Variants in TSPEAR observed in about 807,000 individuals in gnomAD.
TSPEAR encodes the protein thrombospondin-type laminin G domain and EAR repeat-containing protein.
In TSPEAR, 69 loss-of-function variants were observed where a neutral mutation model predicts 71.6. That is an observed-to-expected ratio of 0.96 (90% confidence interval 0.79 to 1.18). The LOEUF (loss-of-function observed/expected upper bound fraction) is 1.18. Among genes scored for constraint, TSPEAR ranks in the 50% most tolerant of loss-of-function variants. TSPEAR has a pLI of 0.00. For synonymous variants in TSPEAR, 402 were observed against 387.2 expected (o/e 1.04, Z -0.45); for missense variants, 971 against 894.9 (o/e 1.09, Z -1.09).
rs78814839 is a variant in TSPEAR at position 44,558,089 on chromosome 21, C to T, written c.303+9696G>A. On this transcript the variant is annotated intron_variant, in intron 2 of 11. Coordinates refer to ENST00000323084, the MANE Select transcript of TSPEAR (RefSeq NM_144991.3). ...TCTGGCCTGAGGAGAGGCCGCAGCA[C>T]GCGGAAGAGAGGCGGGAGCACGTGG... 1,373 of 1,612,504 alleles carry T rather than the reference C, an allele frequency of 8.5e-4. 8 individuals carry two copies. The African/African-American group carries it at 0.016, about 18-fold the overall frequency.
At chr21:44,679,925 A>G (rs1555947654) in intron 1 of TSPEAR, among the ~76,000 whole-genome samples, 1 of 152,228 alleles carries the variant, frequency 6.6e-6, no homozygotes, top group African/African-American at 2.4e-5. Context: ...ACCGAAAACC[A>G]TAAAGCTACT....
chr21:44,600,917 G>T, intron 1 of TSPEAR: 3 of 1,611,960 alleles, frequency 1.9e-6, no homozygotes, highest in Non-Finnish European at 2.5e-6. Context: ...CAGCTGGCTT[G>T]CTGTGCCTCC....
In TSPEAR at chr21:44,687,464, T is replaced by C. The variant is rs1483661257; in HGVS notation, c.82+23969A>G. ...ATCCACACCAGCACTGAGGGCGGCATTGCTTACGCACACGGCAACAGGAAC... is the reference window on the plus strand; with the variant it reads ...ATCCACACCAGCACTGAGGGCGGCACTGCTTACGCACACGGCAACAGGAAC... On this transcript the variant is annotated intron_variant, in intron 1 of 11. Coordinates refer to ENST00000323084, the MANE Select transcript of TSPEAR (RefSeq NM_144991.3). This position sits in a 1 kb window ranked among gnomAD's most constrained non-coding sequence, Gnocchi z 4.4. 6.6e-6 allele frequency among the ~76,000 whole-genome samples: 1 copy of C among 152,166 alleles called. No individual in the cohort carries two copies. Among genetic ancestry groups the C allele is most frequent in the Admixed American group, 6.5e-5 (1 of 15,288 alleles).
At chr21:44,657,645 C>T (rs920228734) in intron 1 of TSPEAR, among the ~76,000 whole-genome samples, 4 of 152,136 alleles carry the variant, frequency 2.6e-5, no homozygotes, top group African/African-American at 9.7e-5. Flanking sequence ...AGTGAAACAA[C>T]GGGATTCGGT....
chr21:44,512,806 G>A (rs1555912901), intron 9 of TSPEAR, among the ~76,000 whole-genome samples: 1 of 152,184 alleles, frequency 6.6e-6, no homozygotes, highest in Non-Finnish European at 1.5e-5. Context: ...ATGGAGGTCT[G>A]TCCAGGGCAT....
At chr21:44,621,051 T>C (rs782177543) in intron 1 of TSPEAR, among the ~76,000 whole-genome samples, 1 of 152,364 alleles carries the variant, frequency 6.6e-6, no homozygotes, top group Admixed American at 6.5e-5. Flanking sequence ...ATTTAGATTA[T>C]TGAGGCTAGT....
intron 5 of TSPEAR, 148 bp from the exon 6 acceptor site, chr21:44,528,731 C>T (rs1026224379): frequency 1.9e-6 from 2 of 1,053,136 alleles, no homozygotes; most frequent in Non-Finnish European, 2.7e-6. Context: ...TGGCACAAGC[C>T]TGCCACATCA....
At chr21:44,518,924 T>C (rs2052671076) in intron 9 of TSPEAR, 1 of 252,302 alleles carries the variant, frequency 4.0e-6, no homozygotes, top group Non-Finnish European at 8.1e-6. Flanking sequence ...GAGCCCCGGG[T>C]GTTTCCACGG....
At chr21:44,570,313 C>A (rs587744886) in intron 1 of TSPEAR, among the ~76,000 whole-genome samples, 1 of 152,386 alleles carries the variant, frequency 6.6e-6, no homozygotes, top group East Asian at 1.9e-4. Flanking sequence ...GGACCCCACG[C>A]CTGCAGTGTT....
chr21:44,548,055 C>T (rs587594016), intron 2 of TSPEAR, among the ~76,000 whole-genome samples: 1 of 152,294 alleles, frequency 6.6e-6, no homozygotes, highest in African/African-American at 2.4e-5. Context: ...TACCTTTGGC[C>T]CCAGGTGGCA....
At chr21:44,698,827 A>G (rs1217527876) in intron 1 of TSPEAR, among the ~76,000 whole-genome samples, 4 of 152,232 alleles carry the variant, frequency 2.6e-5, no homozygotes, top group African/African-American at 7.2e-5. Flanking sequence ...TACTGCCCAG[A>G]TCATGAATAT....
chr21:44,590,940 G>A (rs1410458578), intron 1 of TSPEAR, among the ~76,000 whole-genome samples: 1 of 152,080 alleles, frequency 6.6e-6, no homozygotes, highest in Non-Finnish European at 1.5e-5. Flanking sequence ...ATTGCTTCCT[G>A]CCTCATCCCA....
intron 1 of TSPEAR, among the ~76,000 whole-genome samples, chr21:44,690,245 C>T (rs1488134361): frequency 3.3e-5 from 5 of 152,278 alleles, no homozygotes; most frequent in South Asian, 2.1e-4. Flanking sequence ...GTGGGAGTCC[C>T]ACAAAGCGGG....
intron 10 of TSPEAR, chr21:44,508,823 G>A (rs782777654): frequency 6.6e-6 from 9 of 1,362,732 alleles, no homozygotes; most frequent in Admixed American, 4.0e-5. Context: ...GGCAGGCAGC[G>A]GGCACTCGAA....
chr21:44,572,325 C>A lies in TSPEAR; in HGVS notation c.83-4320G>T, dbSNP rs1271720889. Reference sequence around the variant, plus strand: ...GAAGTTGGTGCAGCTGCCTAAAGACCGTCCTGGCTGAGAAGAAACAGAGCA... The same window carrying A: ...GAAGTTGGTGCAGCTGCCTAAAGACAGTCCTGGCTGAGAAGAAACAGAGCA... On this transcript the variant is annotated intron_variant, in intron 1 of 11. Transcript: ENST00000323084. 2.0e-5 allele frequency among the ~76,000 whole-genome samples: 3 copies of A among 152,166 alleles called. No individual in the cohort carries two copies. In the South Asian group the frequency reaches 6.2e-4, roughly 32 times the overall value.
In TSPEAR at chr21:44,499,701, C is replaced by T; in HGVS notation, c.*82G>A. ...CCGGGATGCCCTAGGCTGGGCCCAC[C>T]TGGACGTCCAGGGTCAGTTGGGGGA... On this transcript the variant is annotated 3_prime_UTR_variant, in exon 12 of 12. Transcript: ENST00000323084. 7.0e-7 allele frequency: 1 copy of T among 1,424,576 alleles called. No homozygotes were observed. The highest frequency in any genetic ancestry group is 9.3e-7 in the Non-Finnish European group (1 of 1,079,114). The allele number at this position is 1,424,576 out of a possible 1,614,324, so 88.2% of individuals were successfully genotyped here. A position where few individuals can be genotyped will look rare whatever the true frequency, so the allele number is the denominator to read the frequency against.
chr21:44,544,837 G>A (rs1178203817), intron 2 of TSPEAR, among the ~76,000 whole-genome samples: 2 of 152,106 alleles, frequency 1.3e-5, no homozygotes, highest in African/African-American at 4.8e-5. Flanking sequence ...AGCAGGGGCT[G>A]GGCCCACAGG....
chr21:44,650,279 T>C (rs942662758), intron 1 of TSPEAR, among the ~76,000 whole-genome samples: 2 of 152,126 alleles, frequency 1.3e-5, no homozygotes, highest in Admixed American at 6.5e-5. Context: ...AACATGACCT[T>C]ACGTGGAAAC....
At chr21:44,522,136 G>A (rs782592457) in intron 8 of TSPEAR, 24 bp from the exon 9 acceptor site, 2 of 1,607,116 alleles carry the variant, frequency 1.2e-6, no homozygotes, top group Non-Finnish European at 1.7e-6. Flanking sequence ...ACTGTGCTGG[G>A]GGCAGGGAGG....
Sources: allele counts gnomAD v4.1 joint callset (sites outside exome capture counted in the v4.1 genomes callset), GRCh38; gene constraint gnomAD v4.1.1; non-coding constraint Gnocchi (gnomAD v3.1); transcripts MANE v1.5; gene names NCBI Gene and HGNC (gene_info 2026-07-23, HGNC 2026-07-21).